ADGRV1: variants seen among roughly 807,000 people sequenced by gnomAD.
ADGRV1 encodes G-protein coupled receptor 98.
A neutral mutation model predicts 596.2 loss-of-function variants in ADGRV1; 359 were observed. The observed-to-expected ratio is 0.60, with a 90% CI of 0.55 to 0.66. ADGRV1 has a LOEUF of 0.66. Ranked by LOEUF, ADGRV1 falls within the 30% of genes least tolerant of loss-of-function variation. The pLI is 0.00. For synonymous variants in ADGRV1, 2,681 were observed against 2,679.2 expected (o/e 1.00, Z -0.02); for missense variants, 7,274 against 7,575.6 (o/e 0.96, Z 1.48).
intron 29 of ADGRV1, among the ~76,000 whole-genome samples, chr5:90,686,216 A>AT: frequency 6.9e-6 from 1 of 144,464 alleles, no homozygotes; most frequent in Admixed American, 6.9e-5. Context: ...TTTTATTTTT[A>AT]TTTTATTATT....
intron 83 of ADGRV1, among the ~76,000 whole-genome samples, chr5:90,950,044 C>T (rs1233241074): frequency 6.6e-6 from 1 of 152,082 alleles, no homozygotes; most frequent in Non-Finnish European, 1.5e-5. Flanking sequence ...TTCTGAATGT[C>T]GGAGAACTGG....
intron 11 of ADGRV1, among the ~76,000 whole-genome samples, chr5:90,642,407 TA>T (rs1278423336): frequency 6.6e-6 from 1 of 152,112 alleles, no homozygotes; most frequent in Non-Finnish European, 1.5e-5. Context: ...TTTTGTCAAA[TA>T]AAAAAAGATG....
At chr5:90,941,938 C>T (rs1561976368) in intron 83 of ADGRV1, among the ~76,000 whole-genome samples, 1 of 152,202 alleles carries the variant, frequency 6.6e-6, no homozygotes, top group Non-Finnish European at 1.5e-5. Context: ...TTTTTCTTCT[C>T]ACAAAGCCTT....
At chr5:90,763,836 G>T (rs1333550695) in intron 59 of ADGRV1, among the ~76,000 whole-genome samples, 3 of 152,158 alleles carry the variant, frequency 2.0e-5, no homozygotes, top group Non-Finnish European at 4.4e-5. Flanking sequence ...TTGCATCTAT[G>T]TTGCTTCAAA....
At position 90,759,737 on chromosome 5, in the gene ADGRV1, G is replaced by T. The variant is rs761184911; in HGVS notation, c.12120+149G>T. On this transcript the variant is annotated intron_variant, in intron 58 of 89. Coordinates refer to ENST00000405460, the MANE Select transcript of ADGRV1 (RefSeq NM_032119.4). ...TCCCAGCACTTTGGGAGGCCGCAGC[G>T]GGCAGATCACGAGGTCAGGAGATTG... is the stretch of plus-strand genomic sequence containing the variant. The T allele has an allele frequency of 5.9e-6, 4 of 679,670 alleles. No individual in the cohort carries two copies. The East Asian group carries it at 1.1e-4, about 19-fold the overall frequency. 42.1% of individuals were successfully genotyped at this position (679,670 alleles called of 1,614,324 possible).
At chr5:90,859,525 T>C (rs1033337506) in intron 82 of ADGRV1, among the ~76,000 whole-genome samples, 5 of 151,610 alleles carry the variant, frequency 3.3e-5, no homozygotes, top group African/African-American at 1.2e-4. Flanking sequence ...TTCCGCCTTC[T>C]GGGCTCAAGC....
At chr5:90,996,313 C>T (rs907217764) in intron 85 of ADGRV1, among the ~76,000 whole-genome samples, 7 of 152,160 alleles carry the variant, frequency 4.6e-5, no homozygotes, top group Non-Finnish European at 1.0e-4. Context: ...CCCTGCATCC[C>T]AGCCCTTCCA....
chr5:90,885,486 G>A (rs1040570657), intron 83 of ADGRV1, among the ~76,000 whole-genome samples: 2 of 152,114 alleles, frequency 1.3e-5, no homozygotes, highest in Non-Finnish European at 2.9e-5. Flanking sequence ...ATTAAAGTTT[G>A]TCTCTACAAA....
At chr5:90,646,289 G>A (rs540247304) in intron 16 of ADGRV1, among the ~76,000 whole-genome samples, 198 bp downstream of exon 16, 6 of 151,870 alleles carry the variant, frequency 4.0e-5, no homozygotes, top group South Asian at 4.2e-4. Context: ...TAATTCATTC[G>A]AGGATTGTTA....
At position 90,757,038 on chromosome 5, in the gene ADGRV1, T is replaced by G. The variant is rs1012378987; in HGVS notation, c.11817T>G (p.Val3939=). The G allele has an allele frequency of 1.9e-6, 3 of 1,613,804 alleles. No homozygotes were observed. In the African/African-American group the frequency reaches 4.0e-5, roughly 22 times the overall value. The change falls in exon 57 of 90, where the codon GTT becomes GTG. Residue 3939 remains valine, a synonymous_variant. Transcript: ENST00000405460. ...EVPPPLNVLQ[V]PVVRLAGSFG... is the part of the protein sequence containing the mutation. The stretch of plus-strand genomic sequence containing the variant: ...CTCCACCCTTGAACGTTCTTCAAGT[T>G]CCTGTAGTCCGGCTGGCTGGAAGCT...
At chr5:90,704,579 T>C in intron 36 of ADGRV1, 91 bp downstream of exon 36, 1 of 711,402 alleles carries the variant, frequency 1.4e-6, no homozygotes. Flanking sequence ...ATTAGATGCA[T>C]ACCAATTTTT....
chr5:90,765,889 A>T (rs1028553645), intron 59 of ADGRV1, among the ~76,000 whole-genome samples: 4 of 149,540 alleles, frequency 2.7e-5, no homozygotes, highest in African/African-American at 9.8e-5. Context: ...TTAATTTTTT[A>T]AAAATTTATT....
At chr5:90,669,536 A>G (rs1032678326) in intron 21 of ADGRV1, among the ~76,000 whole-genome samples, 1 of 152,230 alleles carries the variant, frequency 6.6e-6, no homozygotes, top group Non-Finnish European at 1.5e-5. Flanking sequence ...TATAAACCAC[A>G]ATAGATATGG....
At chr5:91,116,364 A>T (rs79688424) in intron 87 of ADGRV1, among the ~76,000 whole-genome samples, 2,334 of 152,326 alleles carry the variant, frequency 0.015, 68 homozygotes, top group African/African-American at 0.053. Context: ...TGAAATGAGG[A>T]TAGCACTACT....
At chr5:90,594,322 T>A (rs1316301436) in intron 1 of ADGRV1, among the ~76,000 whole-genome samples, 1 of 151,970 alleles carries the variant, frequency 6.6e-6, no homozygotes, top group African/African-American at 2.4e-5. Context: ...TTGTGATAGT[T>A]TTATAAGGGG....
At chr5:90,943,098 G>A (rs1176879933) in intron 83 of ADGRV1, among the ~76,000 whole-genome samples, 1 of 152,112 alleles carries the variant, frequency 6.6e-6, no homozygotes, top group African/African-American at 2.4e-5. Context: ...GGGACAGATT[G>A]TAGTTCTTTA....
chr5:91,003,576 G>A (rs796653716), intron 85 of ADGRV1, among the ~76,000 whole-genome samples: 38 of 152,240 alleles, frequency 2.5e-4, no homozygotes, highest in African/African-American at 7.7e-4. Flanking sequence ...AAAACATCTC[G>A]CCTTGTGGAG....
intron 85 of ADGRV1, among the ~76,000 whole-genome samples, chr5:91,051,266 A>G (rs1786295341): frequency 6.6e-6 from 1 of 152,242 alleles, no homozygotes; most frequent in African/African-American, 2.4e-5. Context: ...CAATAATTCA[A>G]CTAAACAGTT....
At chr5:91,039,510 C>A (rs1435975090) in intron 85 of ADGRV1, among the ~76,000 whole-genome samples, 1 of 152,140 alleles carries the variant, frequency 6.6e-6, no homozygotes, top group Non-Finnish European at 1.5e-5. Context: ...CTTGCCTTGG[C>A]CAGGCTAACT....
Sources: gnomAD v4.1 joint callset for allele counts (sites outside exome capture counted in the v4.1 genomes callset) on GRCh38, gnomAD v4.1.1 for gene constraint, MANE v1.5 for transcripts, NCBI Gene and HGNC (gene_info 2026-07-23, HGNC 2026-07-21) for gene names.